Variants in SCN2B observed in about 807,000 individuals in gnomAD.
SCN2B encodes sodium channel regulatory subunit beta-2.
Under a neutral mutation model 18.2 loss-of-function variants are expected in SCN2B, and 14 were observed. That is an observed-to-expected ratio of 0.77 (90% CI 0.51 to 1.21). The LOEUF (loss-of-function observed/expected upper bound fraction) is 1.21, where lower values mean the gene tolerates loss of function less well. SCN2B is among the 50% of genes most tolerant of loss of function. The pLI is 0.00. For synonymous variants in SCN2B, 115 were observed against 115.3 expected, an observed-to-expected ratio of 1.00 and a Z score of 0.02; for missense variants, 262 against 286.9, an observed-to-expected ratio of 0.91 and a Z score of 0.63.
At chr11:118,172,676 G>C (rs1215815476) in intron 1 of SCN2B, among the ~76,000 whole-genome samples, 1 of 152,204 alleles carries the variant, frequency 6.6e-6, no homozygotes, top group Non-Finnish European at 1.5e-5. Flanking sequence ...TCTGATCTTA[G>C]ATCCAAAACC....
At position 118,168,025 on chromosome 11, in the gene SCN2B, C is replaced by T; in HGVS notation, c.448+60G>A. The T allele has an allele frequency of 2.1e-6, 3 of 1,449,664 alleles. No individual in the cohort carries two copies. The highest frequency in any genetic ancestry group is 1.4e-5 in the African/African-American group (1 of 71,442). 89.8% of individuals were successfully genotyped at this position (1,449,664 alleles called of 1,614,324 possible). On this transcript the variant is annotated intron_variant, in intron 3 of 3. Transcript: ENST00000278947. This position sits in a 1 kb window ranked among gnomAD's most constrained non-coding sequence, Gnocchi z 4.7. ...CTCCCCAAAGTGCCCTGAGCAAATG[C>T]CGCAGAGAGTAGGTGGGTGGGAAAG...
intron 1 of SCN2B, among the ~76,000 whole-genome samples, chr11:118,172,162 G>C (rs901764234): frequency 6.6e-6 from 1 of 152,212 alleles, no homozygotes; most frequent in African/African-American, 2.4e-5. Flanking sequence ...CTCCTGCTTC[G>C]GGAAAGCACC....
intron 1 of SCN2B, among the ~76,000 whole-genome samples, chr11:118,171,263 A>G (rs994694082): frequency 6.6e-6 from 1 of 152,150 alleles, no homozygotes; most frequent in African/African-American, 2.4e-5. Flanking sequence ...GGGAATAAGG[A>G]CTGGGGAGGC....
chr11:118,168,832 G>A lies in SCN2B; in HGVS notation c.71-81C>T, dbSNP rs1948407610. On this transcript the variant is annotated intron_variant, in intron 1 of 3. Coordinates refer to ENST00000278947, the MANE Select transcript of SCN2B (RefSeq NM_004588.5). This position sits in a 1 kb window ranked among gnomAD's most constrained non-coding sequence, Gnocchi z 4.7. ...CAAGCCCTCTGTGCCTGGGAGTGTT[G>A]GGGGATGAGGCAGAGCAGAGCCACA... is the stretch of plus-strand genomic sequence containing the variant. 4.6e-6 allele frequency: 7 copies of A among 1,511,592 alleles called. No homozygotes were observed. The East Asian group carries it at 1.1e-4, about 24-fold the overall frequency. The allele number at this position is 1,511,592 out of a possible 1,614,324, so 93.6% of individuals were successfully genotyped here.
intron 1 of SCN2B, among the ~76,000 whole-genome samples, chr11:118,174,696 G>C (rs1948456000): frequency 6.6e-6 from 1 of 152,116 alleles, no homozygotes; most frequent in African/African-American, 2.4e-5. Context: ...CAAACACTCA[G>C]ACCTCTTCAT....
At position 118,165,958 on chromosome 11, in the gene SCN2B, C is replaced by T. The variant is rs1948377983; in HGVS notation, c.*929G>A. On this transcript the variant is annotated 3_prime_UTR_variant, in exon 4 of 4. Coordinates refer to ENST00000278947, the MANE Select transcript of SCN2B (RefSeq NM_004588.5). ...CCAAGGGCAACTGGGAGAGTTCTCACTGAAGCCCCAAAGAAAGCTGCCCCA... is the reference window on the plus strand; with the variant it reads ...CCAAGGGCAACTGGGAGAGTTCTCATTGAAGCCCCAAAGAAAGCTGCCCCA... 6.6e-6 allele frequency: 1 copy of T among 152,332 alleles called. No individual in the cohort carries two copies. Among genetic ancestry groups the T allele is most frequent in the South Asian group, 2.1e-4 (1 of 4,836 alleles). 9.4% of individuals were successfully genotyped at this position (152,332 alleles called of 1,614,324 possible). A position where few individuals can be genotyped will look rare whatever the true frequency, so the allele number is the denominator to read the frequency against.
At chr11:118,175,068 C>A (rs1303867098) in intron 1 of SCN2B, among the ~76,000 whole-genome samples, 4 of 152,190 alleles carry the variant, frequency 2.6e-5, no homozygotes, top group Admixed American at 2.6e-4. Context: ...CTCCCTGTAA[C>A]CTGAGTATAA....
At chr11:118,172,369 G>A (rs990423092) in intron 1 of SCN2B, among the ~76,000 whole-genome samples, 2 of 152,242 alleles carry the variant, frequency 1.3e-5, no homozygotes, top group African/African-American at 4.8e-5. Context: ...CCAAGTTCAC[G>A]GCTAGTAAGA....
At position 118,168,488 on chromosome 11, in the gene SCN2B, G is replaced by GC; in HGVS notation, c.237+96dup. On this transcript the variant is annotated intron_variant, in intron 2 of 3. Coordinates refer to ENST00000278947, the MANE Select transcript of SCN2B (RefSeq NM_004588.5). This position sits in a 1 kb window ranked among gnomAD's most constrained non-coding sequence, Gnocchi z 4.7. ...CGCAGCCCACCCAGGGTCCTCTGGGGCCCTAGCGCAGTGCCGGGGCCGGTG... is the reference window on the plus strand; with the variant it reads ...CGCAGCCCACCCAGGGTCCTCTGGGGCCCCTAGCGCAGTGCCGGGGCCGGTG... The GC allele has an allele frequency of 2.0e-6, 3 of 1,525,822 alleles. No individual in the cohort carries two copies. Among genetic ancestry groups the GC allele is most frequent in the Non-Finnish European group, 2.7e-6 (3 of 1,101,278 alleles). The allele number at this position is 1,525,822 out of a possible 1,614,324, so 94.5% of individuals were successfully genotyped here.
In SCN2B at chr11:118,168,686, C is replaced by T. The variant is rs777194638; in HGVS notation, c.136G>A (p.Ala46Thr). 30 of 1,614,080 alleles carry T rather than the reference C, an allele frequency of 1.9e-5. No homozygotes were observed. Among genetic ancestry groups the T allele is most frequent in the African/African-American group, 2.7e-5 (2 of 74,922 alleles). ...ATLNVLNGSD[A>T]RLPCTFNSCY... ...GAGTTGAAGGTGCAGGGCAGGCGGGCGTCAGAGCCATTGAGGACGTTGAGG... is the reference window on the plus strand; with the variant it reads ...GAGTTGAAGGTGCAGGGCAGGCGGGTGTCAGAGCCATTGAGGACGTTGAGG... Residue 46 changes from alanine (A) to threonine (T), a missense_variant, in exon 2 of 4, where the codon GCC becomes ACC. Ala to Thr is a moderately conservative substitution (Grantham distance 58). Coordinates refer to ENST00000278947, the MANE Select transcript of SCN2B (RefSeq NM_004588.5). The surrounding 1 kb of genome is among the most constrained non-coding windows in gnomAD (Gnocchi z 4.7).
In SCN2B at chr11:118,172,339, AAAG is replaced by A. The variant is rs200339818; in HGVS notation, c.71-3591_71-3589del. Reference sequence around the variant, plus strand: ...ATTCCGGATGAGGAAGATGGAGCACAAAGAAGTTAAGAGACGAGCCCAAGTTCA... The same window carrying A: ...ATTCCGGATGAGGAAGATGGAGCACAAAGTTAAGAGACGAGCCCAAGTTCA... On this transcript the variant is annotated intron_variant, in intron 1 of 3. Coordinates refer to ENST00000278947, the MANE Select transcript of SCN2B (RefSeq NM_004588.5). Among the ~76,000 whole-genome samples the A allele has an allele frequency of 5.2e-3, 798 of 152,378 alleles. 8 individuals are homozygous for A. Among genetic ancestry groups the A allele is most frequent in the African/African-American group, 0.018 (745 of 41,594 alleles).
At position 118,168,645 on chromosome 11, in the gene SCN2B, G is replaced by A. The variant is rs1466393906; in HGVS notation, c.177C>T (p.Asn59=). 6.2e-7 allele frequency: 1 copy of A among 1,614,260 alleles called. No individual in the cohort carries two copies. The highest frequency in any genetic ancestry group is 8.5e-7 in the Non-Finnish European group (1 of 1,180,048). ...TCCAGTTCAGGGAGAACTGTTTGTGGTTCACTGTGTAGCAGGAGTTGAAGG... is the reference window on the plus strand; with the variant it reads ...TCCAGTTCAGGGAGAACTGTTTGTGATTCACTGTGTAGCAGGAGTTGAAGG... ...PCTFNSCYTV[N]HKQFSLNWTY... The change falls in exon 2 of 4, where the codon AAC becomes AAT. Residue 59 remains asparagine (N), a synonymous_variant. Coordinates refer to ENST00000278947, the MANE Select transcript of SCN2B (RefSeq NM_004588.5). This position sits in a 1 kb window ranked among gnomAD's most constrained non-coding sequence, Gnocchi z 4.7.
intron 1 of SCN2B, among the ~76,000 whole-genome samples, chr11:118,169,043 A>G (rs1418662125): frequency 6.6e-6 from 1 of 152,110 alleles, no homozygotes; most frequent in Non-Finnish European, 1.5e-5. Context: ...GTACAGGTGC[A>G]AGCCGCATGG....
intron 1 of SCN2B, among the ~76,000 whole-genome samples, chr11:118,171,264 C>G (rs896049356): frequency 7.2e-5 from 11 of 152,194 alleles, no homozygotes; most frequent in Non-Finnish European, 1.2e-4. Flanking sequence ...GGAATAAGGA[C>G]TGGGGAGGCT....
At position 118,166,567 on chromosome 11, in the gene SCN2B, A is replaced by G. The variant is rs1591443913; in HGVS notation, c.*320T>C. 1 of 424,104 alleles carries G rather than the reference A, an allele frequency of 2.4e-6. No individual in the cohort carries two copies. The highest frequency in any genetic ancestry group is 4.4e-6 in the Non-Finnish European group (1 of 225,782). The allele number at this position is 424,104 out of a possible 1,614,324, so 26.3% of individuals were successfully genotyped here. A position where few individuals can be genotyped will look rare whatever the true frequency, so the allele number is the denominator to read the frequency against. ...CAGGTGGACAGCGGCCCCCTCCTCT[A>G]CCCCTGCCCACCCACTCCCTTCTCT... On this transcript the variant is annotated 3_prime_UTR_variant, in exon 4 of 4. Transcript: ENST00000278947.
Position 118,168,441 on chromosome 11 carries a change from T to A in SCN2B, c.237+144A>T. ...AGGCACCTGGATGCGCAGCACACCT[T>A]GTTTCAAGAGCCTCCAGAGCACGCA... On this transcript the variant is annotated intron_variant, in intron 2 of 3. Coordinates refer to ENST00000278947, the MANE Select transcript of SCN2B (RefSeq NM_004588.5). The surrounding 1 kb of genome is among the most constrained non-coding windows in gnomAD (Gnocchi z 4.7). 2 of 1,299,246 alleles carry A rather than the reference T, an allele frequency of 1.5e-6. No homozygotes were observed. The highest frequency in any genetic ancestry group is 2.2e-6 in the Non-Finnish European group (2 of 896,548). 80.5% of individuals were successfully genotyped at this position (1,299,246 alleles called of 1,614,324 possible).
In SCN2B at chr11:118,166,862, G is replaced by C. The variant is rs75535056; in HGVS notation, c.*25C>G. 25 of 1,613,080 alleles carry C rather than the reference G, an allele frequency of 1.5e-5. No individual in the cohort carries two copies. In the East Asian group the frequency reaches 4.0e-4, roughly 26 times the overall value. ...GCGGAGAGGGGAGGAGACGGGACAC[G>C]GGAGGCTGCAGGGCCGGCCACCCAC... is the stretch of plus-strand genomic sequence containing the variant. On this transcript the variant is annotated 3_prime_UTR_variant, in exon 4 of 4. Coordinates refer to ENST00000278947, the MANE Select transcript of SCN2B (RefSeq NM_004588.5).
In SCN2B at chr11:118,168,362, G is replaced by GCC. The variant is rs1948403293; in HGVS notation, c.238-69_238-68dup. ...AAGGAACTACAAGGACAGTGAGGAT[G>GCC]CCCCCTCTTCCCATCCACCCTTTTC... On this transcript the variant is annotated intron_variant, in intron 2 of 3. Transcript: ENST00000278947. The surrounding 1 kb of genome is among the most constrained non-coding windows in gnomAD (Gnocchi z 4.7). 1.4e-6 allele frequency: 2 copies of GCC among 1,443,508 alleles called. No individual in the cohort carries two copies. The highest frequency in any genetic ancestry group is 1.9e-6 in the Non-Finnish European group (2 of 1,025,742). 89.4% of individuals were successfully genotyped at this position (1,443,508 alleles called of 1,614,324 possible).
Position 118,166,428 on chromosome 11 carries a change from G to T in SCN2B, c.*459C>A, listed in dbSNP as rs917103058. ...ATGGCTGCTCTGGGCTGGGAGCAGGGGAGGAGCACAGCCGTGCCAGGCCAA... is the reference window on the plus strand; with the variant it reads ...ATGGCTGCTCTGGGCTGGGAGCAGGTGAGGAGCACAGCCGTGCCAGGCCAA... On this transcript the variant is annotated 3_prime_UTR_variant, in exon 4 of 4. Coordinates refer to ENST00000278947, the MANE Select transcript of SCN2B (RefSeq NM_004588.5). 7.0e-5 allele frequency: 17 copies of T among 241,366 alleles called. No homozygotes were observed. Among genetic ancestry groups the T allele is most frequent in the Non-Finnish European group, 1.2e-4 (14 of 120,850 alleles). The allele number at this position is 241,366 out of a possible 1,614,324, so 15.0% of individuals were successfully genotyped here. A position where few individuals can be genotyped will look rare whatever the true frequency, so the allele number is the denominator to read the frequency against.
Sources: allele counts gnomAD v4.1 joint callset (sites outside exome capture counted in the v4.1 genomes callset), GRCh38; gene constraint gnomAD v4.1.1; non-coding constraint Gnocchi (gnomAD v3.1); transcripts MANE v1.5; gene names NCBI Gene and HGNC (gene_info 2026-07-23, HGNC 2026-07-21).